The following PARD6G variants were observed in gnomAD, a reference collection of about 807,000 sequenced individuals.
PARD6G encodes the protein par-6 family cell polarity regulator gamma, also known as partitioning defective 6 homolog gamma.
A neutral mutation model predicts 10.7 loss-of-function variants in PARD6G; 7 were observed. The ratio of observed to expected loss-of-function variants is 0.66; its 90% CI spans 0.37 to 1.23. The LOEUF (loss-of-function observed/expected upper bound fraction) is 1.23, where lower values mean the gene tolerates loss of function less well. PARD6G is among the 50% of genes most tolerant of loss of function. The pLI is 0.02. For synonymous variants in PARD6G, 287 were observed against 269.4 expected (o/e 1.07, Z -0.64); for missense variants, 548 against 571.8 (o/e 0.96, Z 0.42).
chr18:80,166,372 A>G (rs1473121724), intron 2 of PARD6G, among the ~76,000 whole-genome samples: 1 of 151,492 alleles, frequency 6.6e-6, no homozygotes, highest in Non-Finnish European at 1.5e-5. Context: ...CATTCTGCTA[A>G]GCAGGCGACA....
intron 2 of PARD6G, among the ~76,000 whole-genome samples, chr18:80,198,040 G>A (rs1361263745): frequency 6.6e-6 from 1 of 152,234 alleles, no homozygotes; most frequent in Non-Finnish European, 1.5e-5. Context: ...CTGGCCAGAT[G>A]CAGCAGAAGC....
intron 2 of PARD6G, among the ~76,000 whole-genome samples, chr18:80,197,028 C>G (rs530982741): frequency 6.6e-6 from 1 of 152,232 alleles, no homozygotes; most frequent in Admixed American, 6.5e-5. Context: ...TCTGTCTGTT[C>G]CCATAAGCAC....
At chr18:80,204,606 T>TA (rs777099969) in intron 1 of PARD6G, among the ~76,000 whole-genome samples, 213 of 137,198 alleles carry the variant, frequency 1.6e-3, no homozygotes, top group Middle Eastern at 7.5e-3. Context: ...CCTCAGCAAT[T>TA]AAAAAAAAAA....
At chr18:80,234,011 C>T (rs1967390159) in intron 1 of PARD6G, among the ~76,000 whole-genome samples, 1 of 152,176 alleles carries the variant, frequency 6.6e-6, no homozygotes, top group South Asian at 2.1e-4. Flanking sequence ...GCCAACCAGG[C>T]AACCCAGGCA....
rs754154444 is a variant in PARD6G at position 80,160,312 on chromosome 18, C to T, written c.590G>A (p.Arg197His). Residue 197 changes from arginine (R) to histidine (H), a missense_variant, in exon 3 of 3, where the codon CGC (arginine) becomes CAC (histidine). Arg to His is a conservative substitution (Grantham distance 29). Transcript: ENST00000353265. ...CTCCGCCAGGCCCCCGGGTACCATG[C>T]GCGAGATGAAGATGCCGGGCACCTT... ...LEKVPGIFIS[R>H]MVPGGLAEST... is the part of the protein sequence containing the mutation. 1.6e-5 allele frequency: 26 copies of T among 1,612,028 alleles called. No individual in the cohort carries two copies. Among genetic ancestry groups the T allele is most frequent in the Non-Finnish European group, 1.9e-5 (23 of 1,179,844 alleles).
chr18:80,172,363 G>A (rs2052782760), intron 2 of PARD6G, among the ~76,000 whole-genome samples: 7 of 151,548 alleles, frequency 4.6e-5, no homozygotes, highest in Admixed American at 4.6e-4. Context: ...ATTTTCAACT[G>A]GGTTGGGTTG....
rs1011949232 is a variant in PARD6G at position 80,183,037 on chromosome 18, G to A, written c.295+19673C>T. The A allele has an allele frequency of 5.7e-6, 4 of 698,082 alleles. No individual in the cohort carries two copies. The highest frequency in any genetic ancestry group is 1.0e-5 in the Non-Finnish European group (4 of 382,450). The allele number at this position is 698,082 out of a possible 1,614,324, so 43.2% of individuals were successfully genotyped here. On this transcript the variant is annotated intron_variant, in intron 2 of 2. Coordinates refer to ENST00000353265, the MANE Select transcript of PARD6G (RefSeq NM_032510.4). This position sits in a 1 kb window ranked among gnomAD's most constrained non-coding sequence, Gnocchi z 4.5. ...TGGGGTCTCATGAGGGGCCAGCTGCGTGGGCCATCCATTCTCTACCATGGC... is the reference window on the plus strand; with the variant it reads ...TGGGGTCTCATGAGGGGCCAGCTGCATGGGCCATCCATTCTCTACCATGGC...
At chr18:80,196,513 GAA>G (rs1966957288) in intron 2 of PARD6G, among the ~76,000 whole-genome samples, 1 of 152,184 alleles carries the variant, frequency 6.6e-6, no homozygotes, top group African/African-American at 2.4e-5. Context: ...TTAAATTTAA[GAA>G]AAGTAAGAAA....
In PARD6G at chr18:80,204,983, G is replaced by A. The variant is rs1599863678; in HGVS notation, c.73-2051C>T. 2.0e-5 allele frequency among the ~76,000 whole-genome samples: 3 copies of A among 152,138 alleles called. No individual in the cohort carries two copies. The South Asian group carries it at 6.2e-4, about 32-fold the overall frequency. Reference sequence around the variant, plus strand: ...AATAATAATAATAACAATAGTTTGGGAAAAGCCACTTTCAATGACTAATCA... The same window carrying A: ...AATAATAATAATAACAATAGTTTGGAAAAAGCCACTTTCAATGACTAATCA... On this transcript the variant is annotated intron_variant, in intron 1 of 2. Coordinates refer to ENST00000353265, the MANE Select transcript of PARD6G (RefSeq NM_032510.4).
chr18:80,185,894 T>C (rs1411359215), intron 2 of PARD6G, among the ~76,000 whole-genome samples: 3 of 104,442 alleles, frequency 2.9e-5, no homozygotes, highest in Non-Finnish European at 5.7e-5. Flanking sequence ...TTGCACACCC[T>C]CACACACGCA....
At chr18:80,162,707 G>T in intron 2 of PARD6G, 1 of 167,332 alleles carries the variant, frequency 6.0e-6, no homozygotes. Context: ...GAGACTGGAT[G>T]TGCACAGGAT....
In PARD6G at chr18:80,187,248, G is replaced by T. The variant is rs568046413; in HGVS notation, c.295+15462C>A. Among the ~76,000 whole-genome samples, 79 of 152,346 alleles carry T rather than the reference G, an allele frequency of 5.2e-4. 1 individual carries two copies. The highest frequency in any genetic ancestry group is 1.7e-3 in the African/African-American group (72 of 41,574). Reference sequence around the variant, plus strand: ...GGTCAGTGTCCTGCTCTGCCTGGCTGAGGGGATGGCACGCGTGGGTGGGTG... The same window carrying T: ...GGTCAGTGTCCTGCTCTGCCTGGCTTAGGGGATGGCACGCGTGGGTGGGTG... On this transcript the variant is annotated intron_variant, in intron 2 of 2. Transcript: ENST00000353265.
intron 2 of PARD6G, chr18:80,169,660 A>C (rs1182844786): frequency 6.6e-6 from 1 of 152,132 alleles, no homozygotes; most frequent in Non-Finnish European, 1.5e-5. Context: ...TTCCGATTCA[A>C]CTTCATTACC....
chr18:80,195,409 C>G (rs1966941947), intron 2 of PARD6G, among the ~76,000 whole-genome samples: 1 of 151,652 alleles, frequency 6.6e-6, no homozygotes, highest in Non-Finnish European at 1.5e-5. Flanking sequence ...ACCTGGCCCC[C>G]CTCGGTGCTA....
At chr18:80,219,216 G>C (rs1368431448) in intron 1 of PARD6G, among the ~76,000 whole-genome samples, 1 of 152,030 alleles carries the variant, frequency 6.6e-6, no homozygotes, top group East Asian at 1.9e-4. Context: ...TTGTTTGTTT[G>C]TTTGTTTGTT....
At chr18:80,222,790 T>C (rs1015969662) in intron 1 of PARD6G, among the ~76,000 whole-genome samples, 2 of 152,050 alleles carry the variant, frequency 1.3e-5, no homozygotes, top group African/African-American at 4.8e-5. Flanking sequence ...CCTCTCACCT[T>C]AGCCTCCCAA....
intron 2 of PARD6G, among the ~76,000 whole-genome samples, chr18:80,166,544 C>A (rs1289135362): frequency 6.7e-6 from 1 of 149,348 alleles, no homozygotes; most frequent in East Asian, 1.9e-4. Flanking sequence ...ATGGTCAGAT[C>A]TAGTTGCCCC....
At chr18:80,190,766 G>A (rs1233407571) in intron 2 of PARD6G, among the ~76,000 whole-genome samples, 4 of 152,232 alleles carry the variant, frequency 2.6e-5, no homozygotes, top group South Asian at 2.1e-4. Flanking sequence ...CAGAGACAAC[G>A]CCTCTGACTC....
rs376483492 is a variant in PARD6G at position 80,186,791 on chromosome 18, A to G, written c.295+15919T>C. On this transcript the variant is annotated intron_variant, in intron 2 of 2. Transcript: ENST00000353265. ...TCTCCCTGCTAATCAGTATCTTCTC[A>G]TCTTTTCTGGTCTTCAGAACCACCT... is the stretch of plus-strand genomic sequence containing the variant. Among the ~76,000 whole-genome samples, 342 of 152,242 alleles carry G rather than the reference A, an allele frequency of 2.2e-3. 2 individuals carry two copies. In the Middle Eastern group the frequency reaches 0.071, roughly 32 times the overall value.
Sources: allele counts gnomAD v4.1 joint callset (sites outside exome capture counted in the v4.1 genomes callset), GRCh38; gene constraint gnomAD v4.1.1; non-coding constraint Gnocchi (gnomAD v3.1); transcripts MANE v1.5; gene names NCBI Gene and HGNC (gene_info 2026-07-23, HGNC 2026-07-21).